Variants in LIAT1 observed in about 807,000 individuals in gnomAD.
LIAT1 encodes the protein ligand of ATE1.
the LIAT1 span, chr17:410,351 G>C: frequency 6.7e-7 from 1 of 1,482,420 alleles, no homozygotes; most frequent in Non-Finnish European, 8.8e-7. Context: ...CCATGGAGAC[G>C]CGTGGCCCTG....
chr17:413,830 C>T, the LIAT1 span: 1 of 1,540,100 alleles, frequency 6.5e-7, no homozygotes, highest in Non-Finnish European at 8.7e-7. Context: ...ACCCCGACCC[C>T]AAGGCCCTCA....
chr17:413,430 G>A, the LIAT1 span: 19 of 1,613,902 alleles, frequency 1.2e-5, no homozygotes, highest in Admixed American at 3.3e-5. Context: ...CGGAGAAAAC[G>A]GTACCGGTGC....
chr17:410,976 C>A, the LIAT1 span, among the ~76,000 whole-genome samples: 6 of 152,214 alleles, frequency 3.9e-5, no homozygotes, highest in Non-Finnish European at 5.9e-5. Context: ...TCTGCGCCTT[C>A]CCCACAGAGG....
At chr17:413,971 G>T in the LIAT1 span, 1 of 1,613,998 alleles carries the variant, frequency 6.2e-7, no homozygotes. Context: ...AGGCCCCTGA[G>T]AACTTACCCT....
At chr17:413,308 CTT>C in the LIAT1 span, 1 of 1,614,228 alleles carries the variant, frequency 6.2e-7, no homozygotes, top group South Asian at 1.1e-5. Flanking sequence ...GCCTCCCCGA[CTT>C]TGCCGAAATA....
chr17:413,226 G>A, the LIAT1 span: 14 of 1,614,086 alleles, frequency 8.7e-6, no homozygotes, highest in Admixed American at 6.7e-5. Context: ...TGCAAAGAGC[G>A]TGGCCCGAAA....
the LIAT1 span, chr17:410,388 C>A: frequency 1.3e-6 from 2 of 1,524,054 alleles, no homozygotes; most frequent in African/African-American, 2.8e-5. Context: ...TGAGAGTCGC[C>A]GATTAGTCGG....
chr17:410,459 C>T, the LIAT1 span: 1 of 1,540,476 alleles, frequency 6.5e-7, no homozygotes. Context: ...GGCTGGACCG[C>T]CGCGGTGGGG....
At chr17:413,401 T>TC in the LIAT1 span, 1 of 1,614,256 alleles carries the variant, frequency 6.2e-7, no homozygotes. Context: ...AGGAAAGGAT[T>TC]CGCATCTATA....
the LIAT1 span, chr17:413,306 G>A: frequency 5.5e-5 from 89 of 1,614,052 alleles, no homozygotes; most frequent in Non-Finnish European, 7.3e-5. Flanking sequence ...CAGCCTCCCC[G>A]ACTTTGCCGA....
At chr17:411,661 C>T in the LIAT1 span, among the ~76,000 whole-genome samples, 1 of 152,016 alleles carries the variant, frequency 6.6e-6, no homozygotes, top group African/African-American at 2.4e-5. Context: ...GAATTGCAGT[C>T]TCTCTCAGGG....
chr17:413,002 C>A, the LIAT1 span: 3 of 790,608 alleles, frequency 3.8e-6, no homozygotes, highest in Non-Finnish European at 4.0e-6. Flanking sequence ...GGCAGGTGGG[C>A]ACGAGGCTGG....
At chr17:412,158 AC>A in the LIAT1 span, among the ~76,000 whole-genome samples, 1 of 152,148 alleles carries the variant, frequency 6.6e-6, no homozygotes, top group East Asian at 1.9e-4. Flanking sequence ...ACATGGTGAA[AC>A]CCCGTCTCTA....
the LIAT1 span, among the ~76,000 whole-genome samples, chr17:411,993 G>A: frequency 6.6e-6 from 1 of 152,214 alleles, no homozygotes; most frequent in Non-Finnish European, 1.5e-5. Context: ...ACCGTGCAGT[G>A]TGGGAAGGGA....
At chr17:410,369 G>C in the LIAT1 span, 1 of 1,509,684 alleles carries the variant, frequency 6.6e-7, no homozygotes, top group South Asian at 1.3e-5. Flanking sequence ...CTGGCCTGGC[G>C]GTCCGCGCTG....
the LIAT1 span, among the ~76,000 whole-genome samples, chr17:411,777 A>G: frequency 6.6e-6 from 1 of 152,130 alleles, no homozygotes; most frequent in Non-Finnish European, 1.5e-5. Context: ...GGGACTGAGC[A>G]CCCACTTTGA....
At chr17:414,169 G>C in the LIAT1 span, 2 of 1,568,426 alleles carry the variant, frequency 1.3e-6, no homozygotes, top group African/African-American at 2.7e-5. The surrounding 1 kb of genome is among the most constrained non-coding windows in gnomAD (Gnocchi z 4.1). Context: ...ACAAGTTTAT[G>C]TGTTAAAAAC....
chr17:413,681 G>A, the LIAT1 span: 7 of 1,556,072 alleles, frequency 4.5e-6, no homozygotes, highest in Admixed American at 1.8e-5. Flanking sequence ...CACTGACCCC[G>A]AGGCCCTCAA....
the LIAT1 span, chr17:410,730 C>G: frequency 7.5e-7 from 1 of 1,333,486 alleles, no homozygotes; most frequent in South Asian, 1.3e-5. Context: ...ACCCTTCAGA[C>G]CGGAAACAGA....
Sources: gnomAD v4.1 joint callset for allele counts (sites outside exome capture counted in the v4.1 genomes callset) on GRCh38, gnomAD v4.1.1 for gene constraint, Gnocchi (gnomAD v3.1) non-coding constraint, MANE v1.5 for transcripts, NCBI Gene and HGNC (gene_info 2026-07-23, HGNC 2026-07-21) for gene names.